EPHA6: variants seen among roughly 807,000 people sequenced by gnomAD.
EPHA6 encodes the protein ephrin type-A receptor 6.
Under a neutral mutation model 112.0 loss-of-function variants are expected in EPHA6, and 50 were observed. The ratio of observed to expected loss-of-function variants is 0.45; its 90% CI spans 0.36 to 0.56. The LOEUF (loss-of-function observed/expected upper bound fraction) is 0.56. Among genes scored for constraint, EPHA6 ranks in the 20% least tolerant of loss-of-function variants. The pLI, the probability that EPHA6 is intolerant of heterozygous loss-of-function variation, is 0.00. For missense variants in EPHA6, 1,280 were observed against 1,417.4 expected, an observed-to-expected ratio of 0.90 and a Z score of 1.56; for synonymous variants, 529 against 490.7, an observed-to-expected ratio of 1.08 and a Z score of -1.03.
At chr3:97,509,534 A>G (rs1248400177) in intron 10 of EPHA6, among the ~76,000 whole-genome samples, 2 of 152,130 alleles carry the variant, frequency 1.3e-5, no homozygotes, top group Non-Finnish European at 2.9e-5. Context: ...TCTGGCTTGT[A>G]GGGTTTCTGC....
intron 5 of EPHA6, among the ~76,000 whole-genome samples, chr3:97,378,638 C>T (rs1021625389): frequency 1.3e-5 from 2 of 152,182 alleles, no homozygotes; most frequent in Non-Finnish European, 2.9e-5. Context: ...GGGAACCCAC[C>T]GCTTGCATCT....
At chr3:97,240,553 G>C (rs979998537) in intron 4 of EPHA6, among the ~76,000 whole-genome samples, 2 of 151,864 alleles carry the variant, frequency 1.3e-5, no homozygotes, top group African/African-American at 4.8e-5. Flanking sequence ...TTGGTGAGCA[G>C]TCACTTTTCA....
intron 1 of EPHA6, among the ~76,000 whole-genome samples, chr3:96,820,071 G>A (rs2033132028): frequency 6.6e-6 from 1 of 151,960 alleles, no homozygotes; most frequent in Non-Finnish European, 1.5e-5. Context: ...GTAACATATA[G>A]TGGAAACTGA....
Position 96,970,529 on chromosome 3 carries a change from G to A in EPHA6, c.451-16801G>A, listed in dbSNP as rs141835463. Among the ~76,000 whole-genome samples, 4 of 152,090 alleles carry A rather than the reference G, an allele frequency of 2.6e-5. No homozygotes were observed. In the East Asian group the frequency reaches 7.7e-4, roughly 29 times the overall value. ...CATGTCATATATAGAATCATTACTT[G>A]AGCAGGAGTAGCTCTCCCATTAGTG... is the stretch of plus-strand genomic sequence containing the variant. On this transcript the variant is annotated intron_variant, in intron 2 of 17. Transcript: ENST00000389672.
intron 2 of EPHA6, among the ~76,000 whole-genome samples, chr3:96,899,592 A>G (rs1413241966): frequency 1.3e-5 from 2 of 152,252 alleles, no homozygotes; most frequent in African/African-American, 2.4e-5. Flanking sequence ...AACACCTGAC[A>G]TCTGGGTGAA....
chr3:96,950,890 T>G (rs1165275515), intron 2 of EPHA6, among the ~76,000 whole-genome samples: 1 of 152,152 alleles, frequency 6.6e-6, no homozygotes, highest in Non-Finnish European at 1.5e-5. Context: ...ATTTGTTATC[T>G]AAGAGAATTA....
At chr3:97,674,074 CACA>C (rs2031123610) in intron 14 of EPHA6, among the ~76,000 whole-genome samples, 1 of 152,122 alleles carries the variant, frequency 6.6e-6, no homozygotes, top group African/African-American at 2.4e-5. Context: ...AAAAGCTAAG[CACA>C]ACACTATACC....
At chr3:96,881,641 A>T (rs1282131286) in intron 2 of EPHA6, among the ~76,000 whole-genome samples, 1 of 152,110 alleles carries the variant, frequency 6.6e-6, no homozygotes, top group African/African-American at 2.4e-5. Flanking sequence ...AAAACCAATC[A>T]TGCCTTCCCA....
chr3:97,150,892 C>T (rs190565276), intron 3 of EPHA6, among the ~76,000 whole-genome samples: 11 of 152,000 alleles, frequency 7.2e-5, no homozygotes, highest in African/African-American at 2.7e-4. Context: ...CTCATGACTA[C>T]CAATTTTTTA....
At chr3:97,591,439 T>G (rs2093543566) in intron 11 of EPHA6, among the ~76,000 whole-genome samples, 2 of 152,146 alleles carry the variant, frequency 1.3e-5, no homozygotes, top group East Asian at 1.9e-4. Flanking sequence ...ACTTGCTAAA[T>G]CTGAGCATGA....
rs187034531 is a variant in EPHA6, at chr3:97,356,676, A to G, written c.1607-48474A>G. Reference sequence around the variant, plus strand: ...CTCACAGAAGATACTTTGCATGATAACAATGTTTTCTGATCTGTTGAAATT... The same window carrying G: ...CTCACAGAAGATACTTTGCATGATAGCAATGTTTTCTGATCTGTTGAAATT... On this transcript the variant is annotated intron_variant, in intron 5 of 17. Transcript: ENST00000389672. 3.2e-3 allele frequency among the ~76,000 whole-genome samples: 488 copies of G among 152,298 alleles called. 2 individuals are homozygous for G. Among genetic ancestry groups the G allele is most frequent in the African/African-American group, 1.0e-2 (415 of 41,564 alleles).
At chr3:97,008,800 C>A (rs1345612945) in intron 3 of EPHA6, among the ~76,000 whole-genome samples, 1 of 151,750 alleles carries the variant, frequency 6.6e-6, no homozygotes, top group African/African-American at 2.4e-5. Flanking sequence ...TTATGGGGGC[C>A]CTTTTGTTGT....
chr3:97,413,370 A>C (rs935732822), intron 6 of EPHA6, among the ~76,000 whole-genome samples: 1 of 151,658 alleles, frequency 6.6e-6, no homozygotes, highest in Non-Finnish European at 1.5e-5. Flanking sequence ...TTGGGAACTT[A>C]AGTATTTACA....
In EPHA6 at chr3:97,480,244, A is replaced by T. The variant is rs1159631914; in HGVS notation, c.2074+880A>T. 4.3e-5 allele frequency among the ~76,000 whole-genome samples: 6 copies of T among 139,154 alleles called. No homozygotes were observed. In the Admixed American group the frequency reaches 4.4e-4, roughly 10 times the overall value. 91.3% of individuals were successfully genotyped at this position (139,154 alleles called of 152,430 possible). A position where few individuals can be genotyped will look rare whatever the true frequency, so the allele number is the denominator to read the frequency against. On this transcript the variant is annotated intron_variant, in intron 9 of 17. Coordinates refer to ENST00000389672, the MANE Select transcript of EPHA6 (RefSeq NM_001080448.3). ...TTCTTTTTATTTATTTATTTTTTTT[A>T]GTATTTATTGATCATTCTTGGCTGT... is the stretch of plus-strand genomic sequence containing the variant.
intron 11 of EPHA6, among the ~76,000 whole-genome samples, chr3:97,544,882 G>A (rs1310547410): frequency 1.3e-5 from 2 of 152,140 alleles, no homozygotes; most frequent in African/African-American, 2.4e-5. Context: ...TTTGCATAGA[G>A]GTGTTTATAG....
At chr3:97,088,235 C>T (rs537076958) in intron 3 of EPHA6, among the ~76,000 whole-genome samples, 65 of 152,126 alleles carry the variant, frequency 4.3e-4, no homozygotes, top group Non-Finnish European at 8.5e-4. Context: ...GGGGTTAAAT[C>T]ACTTGTTAAA....
chr3:97,672,785 G>C (rs953213441), intron 14 of EPHA6, among the ~76,000 whole-genome samples: 1 of 152,150 alleles, frequency 6.6e-6, no homozygotes, highest in African/African-American at 2.4e-5. Context: ...TTGCATAAAT[G>C]ACTACTCACA....
chr3:97,166,762 A>G (rs529363170), intron 3 of EPHA6, among the ~76,000 whole-genome samples: 7 of 152,286 alleles, frequency 4.6e-5, no homozygotes, highest in South Asian at 4.1e-4. Flanking sequence ...CTCATGCTGT[A>G]TAAGTACTGC....
chr3:97,033,301 C>G (rs2044949457), intron 3 of EPHA6, among the ~76,000 whole-genome samples: 1 of 151,928 alleles, frequency 6.6e-6, no homozygotes, highest in Non-Finnish European at 1.5e-5. Context: ...TCAAATTATT[C>G]TAAGTTGTAA....
Sources: allele counts gnomAD v4.1 joint callset (sites outside exome capture counted in the v4.1 genomes callset), GRCh38; gene constraint gnomAD v4.1.1; transcripts MANE v1.5; gene names NCBI Gene and HGNC (gene_info 2026-07-23, HGNC 2026-07-21).